Variants in HAPLN2 observed in about 807,000 individuals in gnomAD.
The protein encoded by HAPLN2 is brain link protein-1.
HAPLN2 carries 27 observed loss-of-function variants against 29.3 expected under a neutral mutation model. The observed-to-expected ratio is 0.92, with a 90% CI of 0.68 to 1.27. The LOEUF (loss-of-function observed/expected upper bound fraction) is 1.27. Ranked by LOEUF, HAPLN2 falls within the 50% of genes most tolerant of loss-of-function variation. The pLI is 0.00. For synonymous variants in HAPLN2, 208 were observed against 211.7 expected (o/e 0.98, Z 0.15); for missense variants, 454 against 484.3 (o/e 0.94, Z 0.59).
chr1:156,604,328 C>T, the HAPLN2 span, among the ~76,000 whole-genome samples: 4 of 147,888 alleles, frequency 2.7e-5, no homozygotes, highest in African/African-American at 7.5e-5. Flanking sequence ...GACAGAGTCT[C>T]TATCGCCAGG....
At chr1:156,624,833 G>T in intron 6 of HAPLN2, 50 bp downstream of exon 6, 3 of 1,444,698 alleles carry the variant, frequency 2.1e-6, no homozygotes, top group Non-Finnish European at 1.8e-6. Context: ...TGAAAAATGT[G>T]GGGGACGAGG....
upstream of HAPLN2, among the ~76,000 whole-genome samples, chr1:156,618,323 A>G (rs1252614468): frequency 6.7e-6 from 1 of 150,088 alleles, no homozygotes; most frequent in African/African-American, 2.5e-5. Context: ...AAAAAAAAAA[A>G]AAGTTAATTA....
intron 4 of HAPLN2, 41 bp from the exon 5 acceptor site, chr1:156,624,310 C>T: frequency 6.4e-7 from 1 of 1,555,660 alleles, no homozygotes; most frequent in African/African-American, 1.4e-5. Context: ...CCCCTCCGCT[C>T]CCATCCGCTG....
At position 156,624,789 on chromosome 1, in the gene HAPLN2, G is replaced by A; in HGVS notation, c.739+6G>A. ...CTTCACCTCCGCGCTGGCGGGTGAGGCGCGGGACGAAGGCAGGGTCTTGGG... is the reference window on the plus strand; with the variant it reads ...CTTCACCTCCGCGCTGGCGGGTGAGACGCGGGACGAAGGCAGGGTCTTGGG... On this transcript the variant is annotated splice_donor_region_variant and intron_variant, in intron 6 of 6. Coordinates refer to ENST00000255039, the MANE Select transcript of HAPLN2 (RefSeq NM_021817.3). The A allele has an allele frequency of 6.7e-7, 1 of 1,490,958 alleles. No individual in the cohort carries two copies. Among genetic ancestry groups the A allele is most frequent in the Non-Finnish European group, 8.9e-7 (1 of 1,128,470 alleles). The allele number at this position is 1,490,958 out of a possible 1,614,324, so 92.4% of individuals were successfully genotyped here. A position where few individuals can be genotyped will look rare whatever the true frequency, so the allele number is the denominator to read the frequency against.
chr1:156,608,727 G>C, the HAPLN2 span, among the ~76,000 whole-genome samples: 1 of 152,052 alleles, frequency 6.6e-6, no homozygotes, highest in African/African-American at 2.4e-5. Context: ...GTTTTTAGTA[G>C]AGACGGGGTT....
At chr1:156,613,916 C>A in the HAPLN2 span, among the ~76,000 whole-genome samples, 1,620 of 115,268 alleles carry the variant, frequency 0.014, no homozygotes, top group African/African-American at 0.024. Context: ...GATTCCTTCT[C>A]AAAAAAAAAA....
chr1:156,611,714 C>T, the HAPLN2 span, among the ~76,000 whole-genome samples: 1 of 152,188 alleles, frequency 6.6e-6, no homozygotes, highest in Non-Finnish European at 1.5e-5. Context: ...AACTTCTTCC[C>T]CTACCAGTGA....
chr1:156,604,163 C>G, the HAPLN2 span, among the ~76,000 whole-genome samples: 1 of 151,952 alleles, frequency 6.6e-6, no homozygotes, highest in Admixed American at 6.6e-5. Flanking sequence ...ATATTTATTA[C>G]AGTAATATTT....
At position 156,623,033 on chromosome 1, in the gene HAPLN2, C is replaced by CAAAAAAAAA. The variant is rs1207919606; in HGVS notation, c.-24-427_-24-426insAAAAAAAAA. ...TGGACCATGGAGCAACACTCTGTCT[C>CAAAAAAAAA]AAAAAAATAAATAAATAAATAAATA... On this transcript the variant is annotated intron_variant, in intron 2 of 6. Coordinates refer to ENST00000255039, the MANE Select transcript of HAPLN2 (RefSeq NM_021817.3). 1.1e-3 allele frequency among the ~76,000 whole-genome samples: 47 copies of CAAAAAAAAA among 44,202 alleles called. 1 individual carries two copies. The highest frequency in any genetic ancestry group is 1.5e-3 in the East Asian group (2 of 1,318). 29.0% of individuals were successfully genotyped at this position (44,202 alleles called of 152,430 possible).
In HAPLN2 at chr1:156,625,357, T is replaced by C; in HGVS notation, c.996T>C (p.Tyr332=). 1 of 1,601,268 alleles carries C rather than the reference T, an allele frequency of 6.2e-7. No homozygotes were observed. The highest frequency in any genetic ancestry group is 8.5e-7 in the Non-Finnish European group (1 of 1,174,488). The change falls in exon 7 of 7, where the codon TAT becomes TAC. Residue 332 remains tyrosine, a synonymous_variant. Coordinates refer to ENST00000255039, the MANE Select transcript of HAPLN2 (RefSeq NM_021817.3). This position sits in a 1 kb window ranked among gnomAD's most constrained non-coding sequence, Gnocchi z 5.7. ...TCCCCAGGCCCCAACAGGCAGCCTA[T>C]GGGACCTACTGCTACGCCGAGAATT... The part of the protein sequence containing the change: ...FGFPRPQQAA[Y]GTYCYAEN
the HAPLN2 span, among the ~76,000 whole-genome samples, chr1:156,610,508 C>T: frequency 2.6e-5 from 4 of 151,886 alleles, no homozygotes; most frequent in Non-Finnish European, 5.9e-5. Context: ...GGCATGGTGG[C>T]GGGAGACTGT....
the HAPLN2 span, among the ~76,000 whole-genome samples, chr1:156,603,527 G>GTACATA: frequency 6.7e-6 from 1 of 149,520 alleles, no homozygotes; most frequent in Admixed American, 6.7e-5. Flanking sequence ...GTGTATGTAT[G>GTACATA]TACATATACA....
At chr1:156,620,903 C>T (rs963068174) in intron 2 of HAPLN2, among the ~76,000 whole-genome samples, 5 of 152,112 alleles carry the variant, frequency 3.3e-5, no homozygotes, top group African/African-American at 4.8e-5. Context: ...AAGCATTTTG[C>T]GTATATCAAT....
the HAPLN2 span, among the ~76,000 whole-genome samples, chr1:156,606,060 G>T: frequency 6.6e-6 from 1 of 152,142 alleles, no homozygotes; most frequent in Admixed American, 6.6e-5. Flanking sequence ...AAGGTGGGTG[G>T]ATCACCTGAG....
chr1:156,611,705 A>T, the HAPLN2 span, among the ~76,000 whole-genome samples: 2 of 152,210 alleles, frequency 1.3e-5, no homozygotes, highest in Non-Finnish European at 2.9e-5. Context: ...TCCCTTTGAA[A>T]CTTCTTCCCC....
chr1:156,624,130 G>T lies in HAPLN2; in HGVS notation c.409G>T (p.Glu137Ter), dbSNP rs747400863. The T allele has an allele frequency of 2.5e-6, 4 of 1,613,576 alleles. No homozygotes were observed. Among genetic ancestry groups the T allele is most frequent in the South Asian group, 1.1e-5 (1 of 91,058 alleles). ...RCELINGIED[E>*]SVALTLSLEG... ...CGAGCTCATCAACGGCATCGAGGACGAGAGCGTGGCGCTGACCTTGAGCTT... is the reference window on the plus strand; with the variant it reads ...CGAGCTCATCAACGGCATCGAGGACTAGAGCGTGGCGCTGACCTTGAGCTT... Residue 137 changes from glutamate (E) to a stop codon, truncating the protein, a stop_gained, in exon 4 of 7, where the codon GAG (glutamate) becomes TAG (stop). Coordinates refer to ENST00000255039, the MANE Select transcript of HAPLN2 (RefSeq NM_021817.3). LOFTEE classifies it high-confidence loss of function.
At chr1:156,614,575 C>T (rs1043408380), upstream of HAPLN2, among the ~76,000 whole-genome samples, 23 of 152,196 alleles carry the variant, frequency 1.5e-4, no homozygotes, top group South Asian at 1.0e-3. Flanking sequence ...TTGATTAATA[C>T]GTGTAGATCT....
the HAPLN2 span, among the ~76,000 whole-genome samples, chr1:156,612,990 C>A: frequency 1.3e-5 from 2 of 152,058 alleles, no homozygotes; most frequent in Non-Finnish European, 2.9e-5. Context: ...ATGAGAGAAC[C>A]AATAAGGAGA....
At chr1:156,624,317 G>T (rs769375024) in intron 4 of HAPLN2, 34 bp from the exon 5 acceptor site, 16 of 1,561,358 alleles carry the variant, frequency 1.0e-5, no homozygotes, top group Non-Finnish European at 1.3e-5. Context: ...GCTCCCATCC[G>T]CTGGCCCTCC....
Sources: allele counts gnomAD v4.1 joint callset (sites outside exome capture counted in the v4.1 genomes callset), GRCh38; gene constraint gnomAD v4.1.1; non-coding constraint Gnocchi (gnomAD v3.1); transcripts MANE v1.5; gene names NCBI Gene and HGNC (gene_info 2026-07-23, HGNC 2026-07-21).